THRB: variants seen among roughly 807,000 people sequenced by gnomAD.
The protein encoded by THRB is nuclear receptor subfamily 1 group A member 2.
In THRB, 12 loss-of-function variants were observed where a neutral mutation model predicts 47.8. That is an observed-to-expected ratio of 0.25 (90% CI 0.16 to 0.41). The LOEUF is 0.41. THRB is among the 10% of genes least tolerant of loss of function. The pLI is 1.00. For missense variants in THRB, 348 were observed against 589.2 expected (o/e 0.59, Z 4.24); for synonymous variants, 218 against 212.2 (o/e 1.03, Z -0.24).
In THRB at chr3:24,477,775, T is replaced by C. The variant is rs374973099; in HGVS notation, c.-261+16877A>G. On this transcript the variant is annotated intron_variant, in intron 1 of 10. Coordinates refer to ENST00000646209, the MANE Select transcript of THRB (RefSeq NM_001354712.2). ...TCTCTCAGTGACACCGGCACCATCA[T>C]AATCTTCTTCTCTGTGATCTTTATC... is the stretch of plus-strand genomic sequence containing the variant. Among the ~76,000 whole-genome samples, 229 of 151,972 alleles carry C rather than the reference T, an allele frequency of 1.5e-3. 4 individuals are homozygous for C. In the South Asian group the frequency reaches 0.031, roughly 20 times the overall value.
rs112415328 is a variant in THRB at position 24,216,829 on chromosome 3, T to A, written c.22+12109A>T. Among the ~76,000 whole-genome samples, 957 of 152,304 alleles carry A rather than the reference T, an allele frequency of 6.3e-3. 6 individuals are homozygous for A. The highest frequency in any genetic ancestry group is 0.021 in the African/African-American group (877 of 41,584). On this transcript the variant is annotated intron_variant, in intron 4 of 10. Coordinates refer to ENST00000646209, the MANE Select transcript of THRB (RefSeq NM_001354712.2). ...TAATTTCTTAATCTAATTTAGAGCA[T>A]GGTGTTAAATGATTAAACTTCTCAT...
intron 1 of THRB, among the ~76,000 whole-genome samples, chr3:24,387,411 T>C (rs1406312155): frequency 1.3e-5 from 2 of 152,180 alleles, no homozygotes; most frequent in Non-Finnish European, 2.9e-5. Context: ...CAGTTGGCAT[T>C]ACTTTGGTGA....
At chr3:24,241,420 C>A (rs1244553218) in intron 3 of THRB, among the ~76,000 whole-genome samples, 1 of 152,160 alleles carries the variant, frequency 6.6e-6, no homozygotes, top group Admixed American at 6.5e-5. Context: ...GTCCTCTTAA[C>A]CCTACAGCCA....
chr3:24,475,168 T>A (rs559148014), intron 1 of THRB, among the ~76,000 whole-genome samples: 13 of 152,168 alleles, frequency 8.5e-5, no homozygotes, highest in Non-Finnish European at 1.5e-4. Flanking sequence ...TGAAATATGA[T>A]GTAAGGATTT....
At chr3:24,361,626 T>C (rs1312934723) in intron 1 of THRB, among the ~76,000 whole-genome samples, 2 of 152,106 alleles carry the variant, frequency 1.3e-5, no homozygotes, top group Non-Finnish European at 1.5e-5. Flanking sequence ...GAAGAAAAAC[T>C]AGAACAAGAA....
chr3:24,303,815 T>A (rs1375770609), intron 2 of THRB, among the ~76,000 whole-genome samples: 2 of 152,234 alleles, frequency 1.3e-5, no homozygotes, highest in African/African-American at 2.4e-5. Flanking sequence ...AAATGGCTGC[T>A]GAATTTTACA....
chr3:24,409,027 C>T (rs2068059926), intron 1 of THRB, among the ~76,000 whole-genome samples: 1 of 151,686 alleles, frequency 6.6e-6, no homozygotes, highest in African/African-American at 2.4e-5. Context: ...GTTACTAAAA[C>T]CCTCAATGTA....
chr3:24,190,017 G>C (rs776114422), intron 5 of THRB, 57 bp downstream of exon 5: 1 of 1,530,426 alleles, frequency 6.5e-7, no homozygotes, highest in Non-Finnish European at 9.1e-7. Context: ...AGCTACAACA[G>C]GGATATTTTT....
At chr3:24,361,885 G>A (rs941190452) in intron 1 of THRB, among the ~76,000 whole-genome samples, 22 of 152,094 alleles carry the variant, frequency 1.4e-4, no homozygotes, top group African/African-American at 5.3e-4. Context: ...ATGGGCAGAT[G>A]ATAGCAGGCC....
At chr3:24,344,429 T>C (rs901373527) in intron 1 of THRB, among the ~76,000 whole-genome samples, 3 of 152,268 alleles carry the variant, frequency 2.0e-5, no homozygotes, top group South Asian at 2.1e-4. Flanking sequence ...TACTTGTAGT[T>C]GATCAACAAG....
chr3:24,226,048 G>A (rs763738634), intron 4 of THRB, among the ~76,000 whole-genome samples: 1 of 152,032 alleles, frequency 6.6e-6, no homozygotes, highest in East Asian at 1.9e-4. Context: ...TAAGCATTGC[G>A]GTTGAAAGAG....
At chr3:24,207,385 T>A (rs941247710) in intron 4 of THRB, among the ~76,000 whole-genome samples, 3 of 151,986 alleles carry the variant, frequency 2.0e-5, no homozygotes, top group Middle Eastern at 3.2e-3. Context: ...ACAGAACCAA[T>A]GACAAAAACC....
chr3:24,263,468 A>G lies in THRB; in HGVS notation c.-43+33758T>C, dbSNP rs139260522. On this transcript the variant is annotated intron_variant, in intron 3 of 10. Coordinates refer to ENST00000646209, the MANE Select transcript of THRB (RefSeq NM_001354712.2). ...TCCACGCTTTTAAAATTATATTATG[A>G]TGTCACCAATATGCATAATATATCT... Among the ~76,000 whole-genome samples, 1,287 of 152,108 alleles carry G rather than the reference A, an allele frequency of 8.5e-3. 16 individuals are homozygous for G. Among genetic ancestry groups the G allele is most frequent in the African/African-American group, 0.029 (1,213 of 41,470 alleles).
chr3:24,427,464 T>C (rs1246800430), intron 1 of THRB, among the ~76,000 whole-genome samples: 2 of 152,026 alleles, frequency 1.3e-5, no homozygotes, highest in Non-Finnish European at 2.9e-5. Context: ...GTAGCTCATA[T>C]GATTGTGTGC....
At chr3:24,133,844 G>A (rs1375707191) in intron 8 of THRB, among the ~76,000 whole-genome samples, 1 of 152,216 alleles carries the variant, frequency 6.6e-6, no homozygotes, top group East Asian at 1.9e-4. Flanking sequence ...ACATGCTGGT[G>A]TGTGTCTGTG....
intron 3 of THRB, among the ~76,000 whole-genome samples, chr3:24,292,890 A>G (rs2056078693): frequency 6.6e-6 from 1 of 152,210 alleles, no homozygotes; most frequent in Non-Finnish European, 1.5e-5. Context: ...CCCATAAACT[A>G]CACTGAGGCA....
At chr3:24,410,965 T>G (rs1331774812) in intron 1 of THRB, among the ~76,000 whole-genome samples, 6 of 151,832 alleles carry the variant, frequency 4.0e-5, no homozygotes, top group Non-Finnish European at 8.8e-5. Flanking sequence ...CAAAGAGATA[T>G]GACCTTTACT....
At chr3:24,349,292 T>C (rs745927081) in intron 1 of THRB, among the ~76,000 whole-genome samples, 2 of 152,116 alleles carry the variant, frequency 1.3e-5, no homozygotes, top group East Asian at 1.9e-4. Context: ...AGATTCAATA[T>C]ACAGTAATCC....
intron 2 of THRB, among the ~76,000 whole-genome samples, chr3:24,303,168 T>C (rs796193271): frequency 1.4e-4 from 22 of 152,352 alleles, no homozygotes; most frequent in African/African-American, 5.0e-4. Context: ...TATTTGTTTT[T>C]CACTTGATAA....
Sources: gnomAD v4.1 joint callset for allele counts (sites outside exome capture counted in the v4.1 genomes callset) on GRCh38, gnomAD v4.1.1 for gene constraint, MANE v1.5 for transcripts, NCBI Gene and HGNC (gene_info 2026-07-23, HGNC 2026-07-21) for gene names.